The following XRN1 variants were observed in gnomAD, a reference collection of about 807,000 sequenced individuals.
The protein encoded by XRN1 is 5'-3' exoribonuclease 1, also known as strand-exchange protein 1 homolog.
XRN1 carries 67 observed loss-of-function variants against 222.3 expected under a neutral mutation model. That is an observed-to-expected ratio of 0.30 (90% CI 0.25 to 0.37). The LOEUF is 0.37. Among genes scored for constraint, XRN1 ranks in the 10% least tolerant of loss-of-function variants. The probability of loss-of-function intolerance (pLI) is 1.00; values close to 1 mark genes in which losing one functional copy is unlikely to be tolerated. For missense variants in XRN1, 1,707 were observed against 2,000.2 expected, an observed-to-expected ratio of 0.85 and a Z score of 2.80; for synonymous variants, 643 against 652.4, an observed-to-expected ratio of 0.99 and a Z score of 0.22.
intron 34 of XRN1, among the ~76,000 whole-genome samples, chr3:142,334,654 TAA>T (rs1455011647): frequency 3.4e-5 from 5 of 148,918 alleles, no homozygotes; most frequent in Non-Finnish European, 1.5e-5. Flanking sequence ...TGTATATATA[TAA>T]GACCATATAT....
Position 142,309,869 on chromosome 3 carries a change from AAGAG to A in XRN1, c.*1638_*1641del, listed in dbSNP as rs1291129814. 2 of 152,146 alleles carry A rather than the reference AAGAG, an allele frequency of 1.3e-5. No individual in the cohort carries two copies. The highest frequency in any genetic ancestry group is 2.9e-5 in the Non-Finnish European group (2 of 67,908). 9.4% of individuals were successfully genotyped at this position (152,146 alleles called of 1,614,324 possible). On this transcript the variant is annotated 3_prime_UTR_variant, in exon 41 of 41. Coordinates refer to ENST00000392981, the MANE Select transcript of XRN1 (RefSeq NM_001282857.2). ...ATAATAGATGTTTCCTTTAAAAACA[AAGAG>A]AGAGTTTATGAGGCAATAATTATAC...
At position 142,308,928 on chromosome 3, in the gene XRN1, A is replaced by T. The variant is rs927339636; in HGVS notation, c.*2583T>A. The T allele has an allele frequency of 6.6e-6, 1 of 152,218 alleles. No individual in the cohort carries two copies. Among genetic ancestry groups the T allele is most frequent in the Non-Finnish European group, 1.5e-5 (1 of 68,036 alleles). 9.4% of individuals were successfully genotyped at this position (152,218 alleles called of 1,614,324 possible). A position where few individuals can be genotyped will look rare whatever the true frequency, so the allele number is the denominator to read the frequency against. ...GGTCTTAGTCCACCCCATCTCAAAG[A>T]GAGAATTTTAAATTTCTTGAAGTCC... On this transcript the variant is annotated 3_prime_UTR_variant, in exon 41 of 41. Coordinates refer to ENST00000392981, the MANE Select transcript of XRN1 (RefSeq NM_001282857.2).
Position 142,310,054 on chromosome 3 carries a change from C to G in XRN1, c.*1457G>C, listed in dbSNP as rs1490857055. 6.6e-6 allele frequency: 1 copy of G among 152,584 alleles called. No individual in the cohort carries two copies. Among genetic ancestry groups the G allele is most frequent in the Non-Finnish European group, 1.5e-5 (1 of 68,014 alleles). 9.5% of individuals were successfully genotyped at this position (152,584 alleles called of 1,614,324 possible). A position where few individuals can be genotyped will look rare whatever the true frequency, so the allele number is the denominator to read the frequency against. ...GATAAATGACAGATAATGAATATTT[C>G]TCTCTTATACTGAAGGCACTGCTAA... is the stretch of plus-strand genomic sequence containing the variant. On this transcript the variant is annotated 3_prime_UTR_variant, in exon 41 of 41. Coordinates refer to ENST00000392981, the MANE Select transcript of XRN1 (RefSeq NM_001282857.2).
chr3:142,308,586 T>A lies in XRN1; in HGVS notation c.*2925A>T, dbSNP rs1201241380. ...GACTTTAGTCTACATGATGTTTAAATCAATTAATACATTCAAATTCTAACG... is the reference window on the plus strand; with the variant it reads ...GACTTTAGTCTACATGATGTTTAAAACAATTAATACATTCAAATTCTAACG... On this transcript the variant is annotated 3_prime_UTR_variant, in exon 41 of 41. Transcript: ENST00000392981. 6.6e-6 allele frequency: 1 copy of A among 152,160 alleles called. No individual in the cohort carries two copies. Among genetic ancestry groups the A allele is most frequent in the Non-Finnish European group, 1.5e-5 (1 of 68,028 alleles). 9.4% of individuals were successfully genotyped at this position (152,160 alleles called of 1,614,324 possible). A position where few individuals can be genotyped will look rare whatever the true frequency, so the allele number is the denominator to read the frequency against.
At chr3:142,378,598 T>A (rs1037106815) in intron 23 of XRN1, among the ~76,000 whole-genome samples, 1 of 151,980 alleles carries the variant, frequency 6.6e-6, no homozygotes, top group Non-Finnish European at 1.5e-5. Context: ...AGTATAACAA[T>A]ATAGGAAATG....
chr3:142,341,897 AAAT>A (rs1352027790), intron 33 of XRN1, among the ~76,000 whole-genome samples: 1 of 152,202 alleles, frequency 6.6e-6, no homozygotes, highest in African/African-American at 2.4e-5. Context: ...AATTGTAAAA[AAAT>A]ATATTTCCAA....
At position 142,366,487 on chromosome 3, in the gene XRN1, C is replaced by T. The variant is rs185018543; in HGVS notation, c.3205-1121G>A. ...ATTTGTATGCTGTATATTGATTAAT[C>T]TAGGTGCTGGGGATAAAGCAGTGAA... On this transcript the variant is annotated intron_variant, in intron 27 of 40. Transcript: ENST00000392981. Among the ~76,000 whole-genome samples the T allele has an allele frequency of 2.8e-4, 43 of 152,190 alleles. No homozygotes were observed. The South Asian group carries it at 4.1e-3, about 15-fold the overall frequency.
intron 14 of XRN1, 57 bp from the exon 15 acceptor site, chr3:142,412,720 T>G: frequency 7.8e-7 from 1 of 1,278,782 alleles, no homozygotes; most frequent in Non-Finnish European, 1.0e-6. Context: ...AATATAGTTT[T>G]TTGTTAATGT....
rs183581535 is a variant in XRN1, at chr3:142,341,629, T to C, written c.3877+5605A>G. The stretch of plus-strand genomic sequence containing the variant: ...TAAACTCTAATCAAAAGACATAGAG[T>C]GGCTGAATGGATTAAAAAAAGGACC... On this transcript the variant is annotated intron_variant, in intron 33 of 40. Transcript: ENST00000392981. Among the ~76,000 whole-genome samples the C allele has an allele frequency of 9.9e-5, 15 of 151,264 alleles. No individual in the cohort carries two copies. In the East Asian group the frequency reaches 2.9e-3, roughly 30 times the overall value.
chr3:142,397,565 T>A, intron 19 of XRN1, 105 bp from the exon 20 acceptor site: 1 of 905,462 alleles, frequency 1.1e-6, no homozygotes, highest in Non-Finnish European at 1.5e-6. Context: ...CATGGTATAC[T>A]AGCAAAAAAC....
chr3:142,389,102 A>C (rs2067619284), intron 20 of XRN1, among the ~76,000 whole-genome samples: 1 of 152,186 alleles, frequency 6.6e-6, no homozygotes, highest in Non-Finnish European at 1.5e-5. Context: ...AATCCCAGCT[A>C]CTCAGGAGGC....
chr3:142,374,843 GT>G (rs1335614116), intron 25 of XRN1, among the ~76,000 whole-genome samples: 3 of 152,150 alleles, frequency 2.0e-5, no homozygotes, highest in Admixed American at 6.5e-5. Context: ...TGGAAATAGG[GT>G]TTTTAGTAGA....
At chr3:142,362,588 C>T (rs2066678485) in intron 29 of XRN1, among the ~76,000 whole-genome samples, 2 of 112,446 alleles carry the variant, frequency 1.8e-5, no homozygotes, top group South Asian at 7.0e-4. Context: ...GTCCCCCCTA[C>T]CCCCGCCCCC....
In XRN1 at chr3:142,447,577, T is replaced by C. The variant is rs1285072315; in HGVS notation, c.75+293A>G. ...TCCCCGGGAGGAAACCGGAGAACAG[T>C]AAAAGCGTTCTTTCCCAGGACTTCA... On this transcript the variant is annotated intron_variant, in intron 1 of 40. Coordinates refer to ENST00000392981, the MANE Select transcript of XRN1 (RefSeq NM_001282857.2). The surrounding 1 kb of genome is among the most constrained non-coding windows in gnomAD (Gnocchi z 4.2). Among the ~76,000 whole-genome samples the C allele has an allele frequency of 6.6e-6, 1 of 152,080 alleles. No individual in the cohort carries two copies. The highest frequency in any genetic ancestry group is 1.5e-5 in the Non-Finnish European group (1 of 68,014).
chr3:142,384,407 T>A (rs1198571003), intron 21 of XRN1, 116 bp downstream of exon 21: 3 of 665,270 alleles, frequency 4.5e-6, no homozygotes, highest in African/African-American at 3.8e-5. Context: ...TAAATGATAA[T>A]CTCTATTATA....
intron 5 of XRN1, among the ~76,000 whole-genome samples, chr3:142,424,355 C>T (rs1243383430): frequency 1.3e-5 from 2 of 152,174 alleles, no homozygotes; most frequent in African/African-American, 4.8e-5. Flanking sequence ...CTCGGCCTCC[C>T]AAAGAGATGG....
intron 10 of XRN1, among the ~76,000 whole-genome samples, chr3:142,419,848 C>T (rs1476276051): frequency 6.6e-6 from 1 of 151,440 alleles, no homozygotes; most frequent in East Asian, 1.9e-4. Context: ...CCAATAATTA[C>T]AGAGAGGCTG....
intron 2 of XRN1, among the ~76,000 whole-genome samples, chr3:142,431,934 T>TATATATAA (rs2069598893): frequency 3.7e-5 from 3 of 80,114 alleles, no homozygotes; most frequent in African/African-American, 1.5e-4. Flanking sequence ...TATAATATAT[T>TATATATAA]GTATATATTA....
At chr3:142,355,142 C>T (rs536135040) in intron 32 of XRN1, among the ~76,000 whole-genome samples, 3 of 151,868 alleles carry the variant, frequency 2.0e-5, no homozygotes, top group East Asian at 3.9e-4. Context: ...ATGCTCACTG[C>T]CTGGGTGACA....
Sources: allele counts gnomAD v4.1 joint callset (sites outside exome capture counted in the v4.1 genomes callset), GRCh38; gene constraint gnomAD v4.1.1; non-coding constraint Gnocchi (gnomAD v3.1); transcripts MANE v1.5; gene names NCBI Gene and HGNC (gene_info 2026-07-23, HGNC 2026-07-21).